The following ELMO1 variants were observed in gnomAD, a reference collection of about 807,000 sequenced individuals.
ELMO1 encodes engulfment and cell motility 1.
In ELMO1, 26 loss-of-function variants were observed where a neutral mutation model predicts 98.9. The ratio of observed to expected loss-of-function variants is 0.26; its 90% CI spans 0.19 to 0.36. The LOEUF is 0.36. ELMO1 is among the 10% of genes least tolerant of loss of function. The probability of loss-of-function intolerance (pLI) is 1.00; values close to 1 mark genes in which losing one functional copy is unlikely to be tolerated. For missense variants in ELMO1, 627 were observed against 935.2 expected, an observed-to-expected ratio of 0.67 and a Z score of 4.30; for synonymous variants, 346 against 346.0, an observed-to-expected ratio of 1.00 and a Z score of 0.00.
intron 15 of ELMO1, among the ~76,000 whole-genome samples, chr7:37,087,529 G>C (rs909851340): frequency 6.6e-6 from 1 of 151,786 alleles, no homozygotes; most frequent in African/African-American, 2.4e-5. Flanking sequence ...ACATTATTGG[G>C]TTTAAATTGA....
chr7:37,378,401 TGAG>T (rs1802445195), intron 1 of ELMO1, among the ~76,000 whole-genome samples: 1 of 152,174 alleles, frequency 6.6e-6, no homozygotes, highest in Non-Finnish European at 1.5e-5. Flanking sequence ...GAGGTAGAAC[TGAG>T]GAGATGAGTA....
intron 2 of ELMO1, among the ~76,000 whole-genome samples, chr7:37,319,877 T>C (rs1349157461): frequency 1.3e-5 from 2 of 152,154 alleles, no homozygotes; most frequent in South Asian, 2.1e-4. Flanking sequence ...AATTTTTTTT[T>C]CTCCAATCCC....
chr7:37,082,471 G>C (rs1449543286), intron 15 of ELMO1, among the ~76,000 whole-genome samples: 1 of 152,156 alleles, frequency 6.6e-6, no homozygotes, highest in East Asian at 1.9e-4. Flanking sequence ...TGGGAGGCCA[G>C]AGCAGTCAGC....
At chr7:37,355,736 A>G (rs533778427) in intron 1 of ELMO1, among the ~76,000 whole-genome samples, 1 of 152,364 alleles carries the variant, frequency 6.6e-6, no homozygotes, top group African/African-American at 2.4e-5. Context: ...GTCCTCCAGG[A>G]AAGTTCTCTG....
chr7:37,206,146 C>A (rs931290734), intron 13 of ELMO1, among the ~76,000 whole-genome samples: 1 of 152,174 alleles, frequency 6.6e-6, no homozygotes, highest in African/African-American at 2.4e-5. Context: ...ATATTAATAT[C>A]AATCATAAGA....
At chr7:37,327,118 T>C (rs936036663) in intron 2 of ELMO1, among the ~76,000 whole-genome samples, 6 of 152,216 alleles carry the variant, frequency 3.9e-5, no homozygotes, top group African/African-American at 9.6e-5. Context: ...TTGATATCAG[T>C]CTTTTCCAAG....
chr7:37,164,576 A>G (rs891684123), intron 13 of ELMO1, among the ~76,000 whole-genome samples: 25 of 152,156 alleles, frequency 1.6e-4, no homozygotes, highest in African/African-American at 6.0e-4. Context: ...TTTTCCCAGC[A>G]CCATTTGTTA....
chr7:37,436,205 G>A (rs1805136272), intron 1 of ELMO1, among the ~76,000 whole-genome samples: 2 of 152,254 alleles, frequency 1.3e-5, no homozygotes. Context: ...GTCTTCTTAT[G>A]GGTCTTTAAA....
intron 13 of ELMO1, among the ~76,000 whole-genome samples, chr7:37,188,142 A>G (rs1412285705): frequency 6.6e-6 from 1 of 152,138 alleles, no homozygotes; most frequent in Admixed American, 6.6e-5. Flanking sequence ...TTGATCTCTA[A>G]TAACTTTTTA....
chr7:36,961,250 T>G (rs1265797404), intron 16 of ELMO1, among the ~76,000 whole-genome samples: 1 of 152,208 alleles, frequency 6.6e-6, no homozygotes, highest in Admixed American at 6.5e-5. Context: ...TTCTTCATCA[T>G]GCAGGCATTA....
intron 16 of ELMO1, among the ~76,000 whole-genome samples, chr7:36,948,180 C>T (rs1408571520): frequency 6.6e-6 from 1 of 151,904 alleles, no homozygotes; most frequent in African/African-American, 2.4e-5. Context: ...TTTATAAGTA[C>T]TTAAGAGGAC....
At position 36,895,421 on chromosome 7, in the gene ELMO1, TACAA is replaced by T. The variant is rs1805911436; in HGVS notation, c.1438-408_1438-405del. Among the ~76,000 whole-genome samples, 3 of 152,300 alleles carry T rather than the reference TACAA, an allele frequency of 2.0e-5. No individual in the cohort carries two copies. The South Asian group carries it at 6.2e-4, about 32-fold the overall frequency. ...TTTTTCCAGGAGAAAATCGCTGAGA[TACAA>T]TTAACTGTGGAAGTTTGGCTGGAGC... On this transcript the variant is annotated intron_variant, in intron 16 of 21. Transcript: ENST00000310758.
At chr7:37,204,385 T>TG in intron 13 of ELMO1, 1 of 351,932 alleles carries the variant, frequency 2.8e-6, no homozygotes, top group Non-Finnish European at 5.6e-6. Context: ...AGTGTTACAG[T>TG]TCATAAAGGC....
At chr7:37,088,135 G>T (rs1029381059) in intron 15 of ELMO1, among the ~76,000 whole-genome samples, 1 of 152,160 alleles carries the variant, frequency 6.6e-6, no homozygotes, top group Non-Finnish European at 1.5e-5. Flanking sequence ...GCTGATTGGG[G>T]CCAGCTATAT....
At position 36,870,348 on chromosome 7, in the gene ELMO1, C is replaced by A. The variant is rs192257030; in HGVS notation, c.1905+45G>T. On this transcript the variant is annotated intron_variant, in intron 20 of 21. Transcript: ENST00000310758. This position sits in a 1 kb window ranked among gnomAD's most constrained non-coding sequence, Gnocchi z 4.4. ...GGCTAGGCTGGCTGCAGTTGCCGACCGCACTGGGCAAATAGAGCTATTTGC... is the reference window on the plus strand; with the variant it reads ...GGCTAGGCTGGCTGCAGTTGCCGACAGCACTGGGCAAATAGAGCTATTTGC... The A allele has an allele frequency of 6.3e-7, 1 of 1,590,566 alleles. No individual in the cohort carries two copies. The highest frequency in any genetic ancestry group is 1.1e-5 in the South Asian group (1 of 90,300).
chr7:36,902,684 G>GT (rs1193188325), intron 16 of ELMO1, among the ~76,000 whole-genome samples: 1 of 152,160 alleles, frequency 6.6e-6, no homozygotes, highest in Non-Finnish European at 1.5e-5. Context: ...GTGACCATCC[G>GT]TAACTCTGAG....
intron 15 of ELMO1, among the ~76,000 whole-genome samples, chr7:37,062,411 A>G (rs1187268621): frequency 6.6e-6 from 1 of 152,226 alleles, no homozygotes; most frequent in Non-Finnish European, 1.5e-5. Flanking sequence ...CTGGGATGTC[A>G]GAAAGCCTGT....
At position 37,448,308 on chromosome 7, in the gene ELMO1, C is replaced by T. The variant is rs866501244; in HGVS notation, c.-74+367G>A. ...CAGCGTCGCAACCCTCCCGCGCCCC[C>T]CCTCCCGCAGACCCTGGTCGAAATG... On this transcript the variant is annotated intron_variant, in intron 1 of 21. Coordinates refer to ENST00000310758, the MANE Select transcript of ELMO1 (RefSeq NM_014800.11). 9.2e-5 allele frequency among the ~76,000 whole-genome samples: 14 copies of T among 151,950 alleles called. No homozygotes were observed. In the South Asian group the frequency reaches 1.3e-3, roughly 14 times the overall value.
chr7:36,856,226 T>C (rs1285059732), intron 21 of ELMO1, among the ~76,000 whole-genome samples: 3 of 152,216 alleles, frequency 2.0e-5, no homozygotes. Flanking sequence ...CATCTCGGCC[T>C]GTCCTGTCTG....
Sources: allele counts gnomAD v4.1 joint callset (sites outside exome capture counted in the v4.1 genomes callset), GRCh38; gene constraint gnomAD v4.1.1; non-coding constraint Gnocchi (gnomAD v3.1); transcripts MANE v1.5; gene names NCBI Gene and HGNC (gene_info 2026-07-23, HGNC 2026-07-21).